The following DPYD variants were observed in gnomAD, a reference collection of about 807,000 sequenced individuals.
The protein encoded by DPYD is dihydropyrimidine dehydrogenase [NADP(+)].
In DPYD, 109 loss-of-function variants were observed where a neutral mutation model predicts 116.2. The ratio of observed to expected loss-of-function variants is 0.94; its 90% CI spans 0.80 to 1.10. The LOEUF (loss-of-function observed/expected upper bound fraction) is 1.10. DPYD is among the 50% of genes least tolerant of loss of function. The pLI is 0.00. For synonymous variants in DPYD, 440 were observed against 432.0 expected (o/e 1.02, Z -0.23); for missense variants, 1,302 against 1,254.5 (o/e 1.04, Z -0.57).
At chr1:97,449,993 G>A (rs2101791106) in intron 14 of DPYD, 66 bp downstream of exon 14, 2 of 1,560,368 alleles carry the variant, frequency 1.3e-6, no homozygotes, top group South Asian at 1.1e-5. Context: ...CTATGAATTG[G>A]ATGTTTAAAT....
At position 97,246,675 on chromosome 1, in the gene DPYD, G is replaced by A. The variant is rs774341292; in HGVS notation, c.2300-11681C>T. 7.9e-5 allele frequency among the ~76,000 whole-genome samples: 12 copies of A among 152,054 alleles called. No individual in the cohort carries two copies. The South Asian group carries it at 1.9e-3, about 24-fold the overall frequency. ...TTACATAGTGTAGGGATGTTGCCTC[G>A]TAGGCAGGAAAACAGCCTACCCCCA... On this transcript the variant is annotated intron_variant, in intron 18 of 22. Coordinates refer to ENST00000370192, the MANE Select transcript of DPYD (RefSeq NM_000110.4).
intron 5 of DPYD, among the ~76,000 whole-genome samples, chr1:97,704,433 G>T (rs1398540207): frequency 6.6e-6 from 1 of 151,688 alleles, no homozygotes; most frequent in Non-Finnish European, 1.5e-5. Flanking sequence ...AAAAAAGAGG[G>T]TTAACTTAAT....
At chr1:97,480,933 T>C (rs1437261752) in intron 13 of DPYD, among the ~76,000 whole-genome samples, 1 of 151,976 alleles carries the variant, frequency 6.6e-6, no homozygotes, top group African/African-American at 2.4e-5. Context: ...TGAGCCGAGA[T>C]CATGCCACTG....
At chr1:97,333,325 G>A (rs1311772053) in intron 16 of DPYD, among the ~76,000 whole-genome samples, 2 of 151,954 alleles carry the variant, frequency 1.3e-5, no homozygotes, top group Admixed American at 6.6e-5. Flanking sequence ...TGTAGTCAGA[G>A]CTGCTTCTTT....
intron 3 of DPYD, among the ~76,000 whole-genome samples, chr1:97,756,116 A>C (rs1015962126): frequency 1.2e-4 from 18 of 152,302 alleles, no homozygotes; most frequent in African/African-American, 4.3e-4. Context: ...TCAATCTCCC[A>C]AGCCAACCAA....
intron 2 of DPYD, among the ~76,000 whole-genome samples, chr1:97,864,120 G>T (rs938946183): frequency 1.3e-5 from 2 of 152,004 alleles, no homozygotes; most frequent in African/African-American, 4.8e-5. Flanking sequence ...AGTGTCTGTT[G>T]TCTGTCTTTC....
intron 20 of DPYD, among the ~76,000 whole-genome samples, chr1:97,165,580 A>G (rs1175274621): frequency 6.6e-6 from 1 of 152,188 alleles, no homozygotes; most frequent in Non-Finnish European, 1.5e-5. Flanking sequence ...ATGGGAACTA[A>G]TTAAACTTAA....
chr1:97,418,948 G>A (rs1674432325), intron 14 of DPYD, among the ~76,000 whole-genome samples: 1 of 152,146 alleles, frequency 6.6e-6, no homozygotes, highest in Non-Finnish European at 1.5e-5. Context: ...AGAAATCCAA[G>A]GTGGCAGCAG....
intron 10 of DPYD, among the ~76,000 whole-genome samples, chr1:97,576,926 T>C (rs1474297870): frequency 6.6e-6 from 1 of 152,202 alleles, no homozygotes; most frequent in African/African-American, 2.4e-5. Flanking sequence ...TTTAGCTCGA[T>C]AGCTAGATTT....
chr1:97,534,873 T>C (rs189343036), intron 12 of DPYD, among the ~76,000 whole-genome samples: 24 of 152,170 alleles, frequency 1.6e-4, no homozygotes, highest in African/African-American at 5.8e-4. Context: ...AATTAGATTT[T>C]TAATTTTTTA....
Position 97,662,832 on chromosome 1 carries a change from C to T in DPYD, c.850+16263G>A, listed in dbSNP as rs74349135. 3.5e-3 allele frequency among the ~76,000 whole-genome samples: 529 copies of T among 152,112 alleles called. 4 individuals carry two copies. Among genetic ancestry groups the T allele is most frequent in the Non-Finnish European group, 6.2e-3 (422 of 67,992 alleles). On this transcript the variant is annotated intron_variant, in intron 8 of 22. Coordinates refer to ENST00000370192, the MANE Select transcript of DPYD (RefSeq NM_000110.4). ...CATGTTGAAATAATATTCTTAGATACGGAATTAGAGCCTATTCATTTCAGT... is the reference window on the plus strand; with the variant it reads ...CATGTTGAAATAATATTCTTAGATATGGAATTAGAGCCTATTCATTTCAGT...
rs1355470366 is a variant in DPYD, at chr1:97,883,302, T to C, written c.112A>G (p.Lys38Glu). Residue 38 changes from lysine (K) to glutamate (E), a missense_variant, in exon 2 of 23, where the codon AAG becomes GAG. Transcript: ENST00000370192. Reference sequence around the variant, plus strand: ...TCAGGATTTCTTTTCCAATGTTTCTTGTCTAATTTCTTGGCCGAAGTGGAA... The same window carrying C: ...TCAGGATTTCTTTTCCAATGTTTCTCGTCTAATTTCTTGGCCGAAGTGGAA... ...LCSTSAKKLDKKHWKRNPDKN... is the reference protein window; with the variant it reads ...LCSTSAKKLDEKHWKRNPDKN... 1 of 1,612,760 alleles carries C rather than the reference T, an allele frequency of 6.2e-7. No homozygotes were observed. Among genetic ancestry groups the C allele is most frequent in the East Asian group, 2.2e-5 (1 of 44,774 alleles).
At chr1:97,272,572 A>G (rs947344940) in intron 18 of DPYD, among the ~76,000 whole-genome samples, 1 of 152,130 alleles carries the variant, frequency 6.6e-6, no homozygotes, top group African/African-American at 2.4e-5. Context: ...ATATACTATA[A>G]TTACATATAT....
intron 8 of DPYD, among the ~76,000 whole-genome samples, chr1:97,615,138 T>C (rs538933096): frequency 1.3e-5 from 2 of 152,208 alleles, no homozygotes; most frequent in South Asian, 2.1e-4. Flanking sequence ...ACAATTCTTG[T>C]TTACAAAAAT....
At chr1:97,840,814 A>G (rs578227959) in intron 2 of DPYD, among the ~76,000 whole-genome samples, 5 of 152,206 alleles carry the variant, frequency 3.3e-5, no homozygotes, top group East Asian at 1.9e-4. Flanking sequence ...ATTTTTTCTC[A>G]ATAGGTTTAT....
chr1:97,784,459 G>C lies in DPYD; in HGVS notation c.233+43655C>G, dbSNP rs138584166. 3.4e-4 allele frequency among the ~76,000 whole-genome samples: 52 copies of C among 152,210 alleles called. No individual in the cohort carries two copies. The East Asian group carries it at 9.8e-3, about 29-fold the overall frequency. On this transcript the variant is annotated intron_variant, in intron 3 of 22. Coordinates refer to ENST00000370192, the MANE Select transcript of DPYD (RefSeq NM_000110.4). Reference sequence around the variant, plus strand: ...AGAGAACACACTTAAGTCTCTAAGTGTTTTAAACAAATGTAAATATATGTA... The same window carrying C: ...AGAGAACACACTTAAGTCTCTAAGTCTTTTAAACAAATGTAAATATATGTA...
intron 5 of DPYD, among the ~76,000 whole-genome samples, chr1:97,705,337 G>A (rs1208138817): frequency 6.6e-6 from 1 of 151,910 alleles, no homozygotes. Flanking sequence ...CTGTGTCCAT[G>A]TGTTCTCATT....
At chr1:97,883,193 G>A (rs1672313755) in intron 2 of DPYD, 71 bp downstream of exon 2, 1 of 975,536 alleles carries the variant, frequency 1.0e-6, no homozygotes, top group African/African-American at 1.6e-5. Flanking sequence ...CTAAGTGTAT[G>A]TAAAATCTTG....
intron 10 of DPYD, among the ~76,000 whole-genome samples, chr1:97,579,146 A>G (rs1653467092): frequency 6.6e-6 from 1 of 152,200 alleles, no homozygotes; most frequent in Non-Finnish European, 1.5e-5. Flanking sequence ...GCAAATCAGA[A>G]TATATGCCAG....
Sources: allele counts gnomAD v4.1 joint callset (sites outside exome capture counted in the v4.1 genomes callset), GRCh38; gene constraint gnomAD v4.1.1; transcripts MANE v1.5; gene names NCBI Gene and HGNC (gene_info 2026-07-23, HGNC 2026-07-21).